The following KCNIP1 variants were observed in gnomAD, a reference collection of about 807,000 sequenced individuals.
The protein encoded by KCNIP1 is A-type potassium channel modulatory protein KCNIP1.
Under a neutral mutation model 33.0 loss-of-function variants are expected in KCNIP1, and 18 were observed. That is an observed-to-expected ratio of 0.55 (90% CI 0.38 to 0.81). KCNIP1 has a LOEUF of 0.81. Among genes scored for constraint, KCNIP1 ranks in the 30% least tolerant of loss-of-function variants. KCNIP1 has a pLI of 0.00. For synonymous variants in KCNIP1, 93 were observed against 98.3 expected, an observed-to-expected ratio of 0.95 and a Z score of 0.32; for missense variants, 238 against 271.6, an observed-to-expected ratio of 0.88 and a Z score of 0.87.
chr5:170,710,300 T>A (rs1763401892), intron 1 of KCNIP1, among the ~76,000 whole-genome samples: 1 of 152,394 alleles, frequency 6.6e-6, no homozygotes, highest in South Asian at 2.1e-4. Context: ...TTAATTTGGA[T>A]AACATATTTT....
intron 1 of KCNIP1, among the ~76,000 whole-genome samples, chr5:170,651,784 G>A (rs1307976326): frequency 1.3e-5 from 2 of 151,982 alleles, no homozygotes; most frequent in Non-Finnish European, 2.9e-5. Context: ...TGTCTCATAT[G>A]CATTTATATG....
At chr5:170,354,244 C>T (rs950644383) in intron 1 of KCNIP1, among the ~76,000 whole-genome samples, 1 of 152,126 alleles carries the variant, frequency 6.6e-6, no homozygotes, top group East Asian at 1.9e-4. Flanking sequence ...GGATAGAACC[C>T]TTTCCAGAGC....
At chr5:170,387,708 T>G (rs1022269736) in intron 1 of KCNIP1, among the ~76,000 whole-genome samples, 1 of 152,208 alleles carries the variant, frequency 6.6e-6, no homozygotes, top group Non-Finnish European at 1.5e-5. Context: ...TGTGATCTTG[T>G]GGGAATGGGA....
At chr5:170,552,886 T>A (rs936508096) in intron 1 of KCNIP1, among the ~76,000 whole-genome samples, 1 of 152,196 alleles carries the variant, frequency 6.6e-6, no homozygotes, top group Non-Finnish European at 1.5e-5. Flanking sequence ...ACGCTGACGA[T>A]GAGTGGGGCC....
chr5:170,732,763 G>C (rs185168814), intron 5 of KCNIP1, 37 bp from the exon 6 acceptor site: 1 of 1,401,676 alleles, frequency 7.1e-7, no homozygotes, highest in South Asian at 1.2e-5. Flanking sequence ...TTGACCTCAT[G>C]GTTTCCACAC....
intron 1 of KCNIP1, among the ~76,000 whole-genome samples, chr5:170,356,796 C>T (rs1360119102): frequency 1.3e-5 from 2 of 152,304 alleles, no homozygotes; most frequent in Admixed American, 6.5e-5. Context: ...AGACACCAGC[C>T]GTCAGCCTGA....
intron 1 of KCNIP1, among the ~76,000 whole-genome samples, chr5:170,513,433 C>T (rs945397364): frequency 4.6e-5 from 7 of 152,204 alleles, no homozygotes; most frequent in African/African-American, 1.7e-4. Flanking sequence ...CTTTCTCTCT[C>T]TTTCTTTTTA....
At chr5:170,365,130 G>C (rs1371790221) in intron 1 of KCNIP1, among the ~76,000 whole-genome samples, 1 of 152,106 alleles carries the variant, frequency 6.6e-6, no homozygotes, top group African/African-American at 2.4e-5. Flanking sequence ...CCAGCACCTG[G>C]TGCAGGGCCT....
chr5:170,367,620 C>T (rs1363177801), intron 1 of KCNIP1, among the ~76,000 whole-genome samples: 1 of 152,158 alleles, frequency 6.6e-6, no homozygotes, highest in South Asian at 2.1e-4. Flanking sequence ...AAGGAGACCT[C>T]TCTCTCCTGA....
intron 1 of KCNIP1, among the ~76,000 whole-genome samples, chr5:170,537,869 C>T (rs1244270010): frequency 6.6e-6 from 1 of 152,252 alleles, no homozygotes; most frequent in Non-Finnish European, 1.5e-5. Flanking sequence ...CCTTTTGTTA[C>T]ACGGCCTTCC....
intron 1 of KCNIP1, among the ~76,000 whole-genome samples, chr5:170,581,851 G>T (rs1757806429): frequency 6.6e-6 from 1 of 152,208 alleles, no homozygotes; most frequent in Admixed American, 6.5e-5. Context: ...TGGATCCAGT[G>T]TCTGCATCTG....
At chr5:170,734,578 GA>G (rs1381684544) in intron 7 of KCNIP1, among the ~76,000 whole-genome samples, 1 of 152,170 alleles carries the variant, frequency 6.6e-6, no homozygotes, top group Admixed American at 6.5e-5. Context: ...ACCAGCCCCA[GA>G]GTCCACCAGA....
intron 1 of KCNIP1, among the ~76,000 whole-genome samples, chr5:170,486,989 G>A (rs1203720597): frequency 6.6e-6 from 1 of 152,132 alleles, no homozygotes; most frequent in Non-Finnish European, 1.5e-5. Context: ...CAGGATGTGT[G>A]TGTATATATA....
chr5:170,434,915 A>G (rs1158646893), intron 1 of KCNIP1, among the ~76,000 whole-genome samples: 1 of 152,198 alleles, frequency 6.6e-6, no homozygotes, highest in Non-Finnish European at 1.5e-5. Context: ...AGGTCGTGCC[A>G]CTGAACTCCA....
chr5:170,486,988 T>A (rs1757106379), intron 1 of KCNIP1, among the ~76,000 whole-genome samples: 1 of 152,222 alleles, frequency 6.6e-6, no homozygotes, highest in Non-Finnish European at 1.5e-5. Flanking sequence ...ACAGGATGTG[T>A]GTGTATATAT....
At chr5:170,564,890 C>G (rs1335317858) in intron 1 of KCNIP1, among the ~76,000 whole-genome samples, 1 of 151,708 alleles carries the variant, frequency 6.6e-6, no homozygotes, top group African/African-American at 2.4e-5. Context: ...TTTCATTTGC[C>G]ATATACAGAA....
upstream of KCNIP1, among the ~76,000 whole-genome samples, chr5:170,503,407 A>AAT (rs1324430801): frequency 6.7e-6 from 1 of 148,160 alleles, no homozygotes; most frequent in Admixed American, 6.7e-5. Context: ...AAAAAAAAAA[A>AAT]AAGAAAAAGA....
intron 1 of KCNIP1, among the ~76,000 whole-genome samples, chr5:170,492,616 C>T (rs1433155231): frequency 6.6e-6 from 1 of 152,102 alleles, no homozygotes; most frequent in Non-Finnish European, 1.5e-5. Flanking sequence ...GGTGACCAGC[C>T]CAATCCTGAA....
At chr5:170,683,415 TCTGTACACCAAGTAC>T (rs1178995456) in intron 1 of KCNIP1, among the ~76,000 whole-genome samples, 1 of 152,200 alleles carries the variant, frequency 6.6e-6, no homozygotes, top group African/African-American at 2.4e-5. Context: ...CACCCTCTGT[TCTGTACACCAAGTAC>T]CTCAGCAAGT....
Sources: gnomAD v4.1 joint callset for allele counts (sites outside exome capture counted in the v4.1 genomes callset) on GRCh38, gnomAD v4.1.1 for gene constraint, MANE v1.5 for transcripts, NCBI Gene and HGNC (gene_info 2026-07-23, HGNC 2026-07-21) for gene names.